DACH2: variants seen among roughly 807,000 people sequenced by gnomAD.
The protein encoded by DACH2 is dachshund homolog 2.
Under a neutral mutation model 35.8 loss-of-function variants are expected in DACH2, and 17 were observed. The ratio of observed to expected loss-of-function variants is 0.48; its 90% CI spans 0.33 to 0.71. The LOEUF (loss-of-function observed/expected upper bound fraction) is 0.71. DACH2 is among the 30% of genes least tolerant of loss of function. DACH2 has a pLI of 0.02. For synonymous variants in DACH2, 195 were observed against 177.3 expected (o/e 1.10, Z -0.79); for missense variants, 469 against 472.7 (o/e 0.99, Z 0.07).
chrX:86,644,460 T>G (rs2040390049), intron 3 of DACH2, among the ~76,000 whole-genome samples: 1 of 105,911 alleles, frequency 9.4e-6, no homozygotes, highest in East Asian at 3.4e-4. Context: ...TGCCCATGGA[T>G]AGGAAGAATC....
chrX:86,222,443 C>T (rs1233380720), intron 1 of DACH2, among the ~76,000 whole-genome samples: 1 of 111,756 alleles, frequency 8.9e-6, no homozygotes, highest in Non-Finnish European at 1.9e-5. Context: ...ACCTAAGATA[C>T]AAGAATACAA....
At chrX:86,167,074 A>G (rs1215785259) in intron 1 of DACH2, among the ~76,000 whole-genome samples, 1 of 111,239 alleles carries the variant, frequency 9.0e-6, no homozygotes, top group Non-Finnish European at 1.9e-5. Flanking sequence ...TGGCCTCATA[A>G]ATTCAGTTTG....
intron 3 of DACH2, among the ~76,000 whole-genome samples, chrX:86,520,767 C>T (rs1052271957): frequency 9.0e-6 from 1 of 111,573 alleles, no homozygotes; most frequent in African/African-American, 3.3e-5. Context: ...TTTTCTCCAT[C>T]CCTTTATTTT....
intron 5 of DACH2, among the ~76,000 whole-genome samples, chrX:86,705,458 A>G (rs2041205284): frequency 9.0e-6 from 1 of 111,394 alleles, no homozygotes; most frequent in Admixed American, 9.6e-5. Flanking sequence ...ATAAGAAAAA[A>G]GATATACAAA....
intron 7 of DACH2, among the ~76,000 whole-genome samples, chrX:86,806,768 C>T (rs970608837): frequency 8.9e-6 from 1 of 111,803 alleles, no homozygotes; most frequent in African/African-American, 3.3e-5. Context: ...TTTAGATTTT[C>T]CAATAAGGGA....
At chrX:86,806,442 T>C (rs2042345946) in intron 7 of DACH2, among the ~76,000 whole-genome samples, 1 of 111,784 alleles carries the variant, frequency 8.9e-6, no homozygotes, top group Admixed American at 9.5e-5. Context: ...GACGTGAGAT[T>C]TGTGTAGTGA....
chrX:86,568,648 T>C (rs1403687008), intron 3 of DACH2, among the ~76,000 whole-genome samples: 1 of 111,169 alleles, frequency 9.0e-6, no homozygotes, highest in Non-Finnish European at 1.9e-5. Context: ...TGGATGAAAA[T>C]ATAAGGTGTG....
In DACH2 at chrX:86,190,197, C is replaced by A. The variant is rs1285271801; in HGVS notation, c.488+41089C>A. Among the ~76,000 whole-genome samples, 9 of 109,801 alleles carry A rather than the reference C, an allele frequency of 8.2e-5. No homozygotes were observed. In the South Asian group the frequency reaches 2.0e-3, roughly 24 times the overall value. On this transcript the variant is annotated intron_variant, in intron 1 of 11. Coordinates refer to ENST00000373125, the MANE Select transcript of DACH2 (RefSeq NM_053281.3). ...AAAAAGTAAAATAAAAACTTCATTT[C>A]TTTTGTCTTTTATATGTAAACTGTA... is the stretch of plus-strand genomic sequence containing the variant.
At chrX:86,760,169 C>A (rs2041866544) in intron 7 of DACH2, among the ~76,000 whole-genome samples, 1 of 111,042 alleles carries the variant, frequency 9.0e-6, no homozygotes, top group Non-Finnish European at 1.9e-5. Flanking sequence ...ATGTAATGTG[C>A]CATGGAGAAC....
chrX:86,342,665 G>A (rs1047119825), intron 1 of DACH2, among the ~76,000 whole-genome samples: 1 of 109,091 alleles, frequency 9.2e-6, no homozygotes, highest in Non-Finnish European at 1.9e-5. Context: ...AAATTAGCCA[G>A]GCATGGTGGT....
chrX:86,226,164 A>G (rs933956339), intron 1 of DACH2, among the ~76,000 whole-genome samples: 4 of 111,634 alleles, frequency 3.6e-5, no homozygotes, highest in African/African-American at 1.3e-4. Flanking sequence ...ACTGTTCAGA[A>G]GTTTTCCTGA....
rs771062451 is a variant in DACH2, at chrX:86,325,232, G to T, written c.489-51592G>T. Among the ~76,000 whole-genome samples the T allele has an allele frequency of 3.6e-5, 4 of 111,546 alleles. No individual in the cohort carries two copies. In the South Asian group the frequency reaches 1.5e-3, roughly 42 times the overall value. On this transcript the variant is annotated intron_variant, in intron 1 of 11. Coordinates refer to ENST00000373125, the MANE Select transcript of DACH2 (RefSeq NM_053281.3). The stretch of plus-strand genomic sequence containing the variant: ...CTGTGTGAATATCTGGTATCTAAAG[G>T]GTATCTAAAGCATATGACTTTCATG...
At chrX:86,718,086 C>T (rs1158296579) in intron 6 of DACH2, among the ~76,000 whole-genome samples, 1 of 110,652 alleles carries the variant, frequency 9.0e-6, no homozygotes, top group African/African-American at 3.3e-5. Context: ...AATCTCCATA[C>T]TGTCATAGTG....
At chrX:86,201,320 A>C (rs2032150780) in intron 1 of DACH2, among the ~76,000 whole-genome samples, 1 of 109,989 alleles carries the variant, frequency 9.1e-6, no homozygotes, top group African/African-American at 3.3e-5. Context: ...GAGGATCAGG[A>C]AAAATAACTA....
chrX:86,791,025 C>A (rs955580610), intron 7 of DACH2, among the ~76,000 whole-genome samples: 1 of 111,340 alleles, frequency 9.0e-6, no homozygotes, highest in African/African-American at 3.3e-5. Context: ...TTATAAGGAA[C>A]AGAGGATATA....
chrX:86,337,699 T>A (rs1487867863), intron 1 of DACH2, among the ~76,000 whole-genome samples: 1 of 111,846 alleles, frequency 8.9e-6, no homozygotes, highest in African/African-American at 3.2e-5. Flanking sequence ...CTTGATCAAA[T>A]TCACACATAA....
At chrX:86,263,229 A>G (rs925965906) in intron 1 of DACH2, among the ~76,000 whole-genome samples, 8 of 111,989 alleles carry the variant, frequency 7.1e-5, no homozygotes, top group Admixed American at 3.8e-4. Flanking sequence ...TAGGAAAGTG[A>G]ATTTACTGCT....
intron 5 of DACH2, among the ~76,000 whole-genome samples, chrX:86,711,932 G>T (rs1240611063): frequency 8.9e-6 from 1 of 111,845 alleles, no homozygotes; most frequent in Non-Finnish European, 1.9e-5. Context: ...TCTTATTATC[G>T]CCAGATGGTG....
At chrX:86,334,970 T>C (rs1425546974) in intron 1 of DACH2, among the ~76,000 whole-genome samples, 1 of 112,416 alleles carries the variant, frequency 8.9e-6, no homozygotes, top group African/African-American at 3.2e-5. Flanking sequence ...TTCAGTTTTC[T>C]GCATATGGCT....
Sources: allele counts gnomAD v4.1 joint callset (sites outside exome capture counted in the v4.1 genomes callset), GRCh38; gene constraint gnomAD v4.1.1; transcripts MANE v1.5; gene names NCBI Gene and HGNC (gene_info 2026-07-23, HGNC 2026-07-21).